RNF19A: variants seen among roughly 807,000 people sequenced by gnomAD.
The protein encoded by RNF19A is E3 ubiquitin-protein ligase RNF19A.
Under a neutral mutation model 75.7 loss-of-function variants are expected in RNF19A, and 32 were observed. The ratio of observed to expected loss-of-function variants is 0.42; its 90% CI spans 0.32 to 0.57. The LOEUF is 0.57. Ranked by LOEUF, RNF19A falls within the 20% of genes least tolerant of loss-of-function variation. RNF19A has a pLI of 0.10. For missense variants in RNF19A, 782 were observed against 1,036.3 expected (o/e 0.75, Z 3.37); for synonymous variants, 335 against 345.2 (o/e 0.97, Z 0.33).
intron 1 of RNF19A, among the ~76,000 whole-genome samples, chr8:100,290,306 T>C (rs1181623919): frequency 6.6e-6 from 1 of 152,184 alleles, no homozygotes; most frequent in Non-Finnish European, 1.5e-5. Context: ...TTCACCATGT[T>C]GGTCAGGCTG....
intron 3 of RNF19A, among the ~76,000 whole-genome samples, chr8:100,272,882 T>C (rs1198691605): frequency 2.0e-5 from 3 of 151,456 alleles, no homozygotes; most frequent in African/African-American, 7.3e-5. Flanking sequence ...CTCTTGTTTT[T>C]GGAAACAGGG....
At chr8:100,334,220 T>C (rs1049239406) in intron 1 of RNF19A, among the ~76,000 whole-genome samples, 2 of 152,252 alleles carry the variant, frequency 1.3e-5, no homozygotes, top group African/African-American at 2.4e-5. Flanking sequence ...CACAACATAA[T>C]GCTTCACGGT....
chr8:100,321,786 T>A (rs1008475680), intron 1 of RNF19A, among the ~76,000 whole-genome samples: 4 of 152,258 alleles, frequency 2.6e-5, no homozygotes, highest in Admixed American at 2.6e-4. Flanking sequence ...GAAAACAATA[T>A]TAATCTCCTT....
intron 1 of RNF19A, among the ~76,000 whole-genome samples, chr8:100,296,689 C>T (rs77189256): frequency 0.045 from 6,809 of 152,224 alleles, 457 homozygotes; most frequent in African/African-American, 0.14. Flanking sequence ...GCTGAGATGT[C>T]AGATTTAACT....
chr8:100,289,982 C>G (rs1188397982), intron 1 of RNF19A, among the ~76,000 whole-genome samples: 3 of 152,194 alleles, frequency 2.0e-5, no homozygotes, highest in African/African-American at 7.2e-5. Context: ...AATACTGCTA[C>G]ACACAAGACA....
chr8:100,261,482 C>T lies in RNF19A; in HGVS notation c.1682+60G>A, dbSNP rs1028186709. ...CATCATGCTTTATGTTCAAAATTCTCACCTAATTAATAATTTGTAGTTACC... is the reference window on the plus strand; with the variant it reads ...CATCATGCTTTATGTTCAAAATTCTTACCTAATTAATAATTTGTAGTTACC... On this transcript the variant is annotated intron_variant, in intron 8 of 9. Transcript: ENST00000341084. The surrounding 1 kb of genome is among the most constrained non-coding windows in gnomAD (Gnocchi z 4.4). 26 of 1,344,616 alleles carry T rather than the reference C, an allele frequency of 1.9e-5. No homozygotes were observed. Among genetic ancestry groups the T allele is most frequent in the Non-Finnish European group, 2.7e-5 (25 of 937,876 alleles). 83.3% of individuals were successfully genotyped at this position (1,344,616 alleles called of 1,614,324 possible).
chr8:100,326,184 T>C (rs1370384839), intron 1 of RNF19A, among the ~76,000 whole-genome samples: 1 of 152,140 alleles, frequency 6.6e-6, no homozygotes, highest in Non-Finnish European at 1.5e-5. Context: ...CTTACCCTGT[T>C]TCTATTCCAC....
intron 7 of RNF19A, among the ~76,000 whole-genome samples, chr8:100,262,303 G>A (rs1006731746): frequency 4.6e-5 from 7 of 152,128 alleles, no homozygotes; most frequent in African/African-American, 1.7e-4. Flanking sequence ...GGGGAGGAGA[G>A]TGATGAAAAG....
intron 1 of RNF19A, 196 bp downstream of exon 1, chr8:100,309,671 C>T: frequency 2.1e-6 from 2 of 933,964 alleles, no homozygotes; most frequent in Non-Finnish European, 2.6e-6. Flanking sequence ...GAGGCCTGAC[C>T]CCCTAAGCCG....
At chr8:100,286,332 T>C (rs548453926) in intron 2 of RNF19A, among the ~76,000 whole-genome samples, 1 of 152,228 alleles carries the variant, frequency 6.6e-6, no homozygotes, top group Admixed American at 6.5e-5. Flanking sequence ...TTTGTTGTTA[T>C]CTATATTATA....
At position 100,258,501 on chromosome 8, in the gene RNF19A, C is replaced by G. The variant is rs1819552786; in HGVS notation, c.*55G>C. ...GAAACTTAAGTAGTCACATGTAGTT[C>G]AACCAGCTCCAAACACGGTTGTACA... is the stretch of plus-strand genomic sequence containing the variant. On this transcript the variant is annotated 3_prime_UTR_variant, in exon 10 of 10. Transcript: ENST00000341084. This position sits in a 1 kb window ranked among gnomAD's most constrained non-coding sequence, Gnocchi z 4.3. The G allele has an allele frequency of 4.9e-6, 7 of 1,432,954 alleles. No homozygotes were observed. In the South Asian group the frequency reaches 9.4e-5, roughly 19 times the overall value. The allele number at this position is 1,432,954 out of a possible 1,614,324, so 88.8% of individuals were successfully genotyped here. A position where few individuals can be genotyped will look rare whatever the true frequency, so the allele number is the denominator to read the frequency against.
rs2130400475 is a variant in RNF19A, at chr8:100,329,761, T to G, written c.-243+6347A>C. 6.6e-6 allele frequency among the ~76,000 whole-genome samples: 1 copy of G among 152,328 alleles called. No individual in the cohort carries two copies. Among genetic ancestry groups the G allele is most frequent in the South Asian group, 2.1e-4 (1 of 4,826 alleles). On this transcript the variant is annotated intron_variant, in intron 1 of 3. Coordinates refer to the RNF19A transcript ENST00000519527. This position sits in a 1 kb window ranked among gnomAD's most constrained non-coding sequence, Gnocchi z 4.3. ...TTCCAACACTTAAAGGATCGTCTGA[T>G]GAAAGAAGAAGTAGCTTCATGGTTT...
chr8:100,285,358 A>G (rs750822636), intron 2 of RNF19A, among the ~76,000 whole-genome samples: 43 of 152,144 alleles, frequency 2.8e-4, no homozygotes, highest in Non-Finnish European at 4.9e-4. Flanking sequence ...TCGTAATTCT[A>G]TATGTTGAAT....
intron 2 of RNF19A, among the ~76,000 whole-genome samples, chr8:100,279,867 G>T (rs980251192): frequency 6.6e-6 from 1 of 152,000 alleles, no homozygotes; most frequent in African/African-American, 2.4e-5. Flanking sequence ...GTTTTGCCAT[G>T]TTAGTCAGGC....
Position 100,259,152 on chromosome 8 carries a change from C to A in RNF19A, c.1921G>T (p.Ala641Ser). 1 of 1,614,160 alleles carries A rather than the reference C, an allele frequency of 6.2e-7. No homozygotes were observed. Among genetic ancestry groups the A allele is most frequent in the Non-Finnish European group, 8.5e-7 (1 of 1,180,028 alleles). The change falls in exon 10 of 10, where the codon GCC (alanine) becomes TCC (serine). Residue 641 changes from alanine (A) to serine (S), a missense_variant. Physicochemically the swap from Ala to Ser is moderately conservative, Grantham distance 99 (BLOSUM62 1). Transcript: ENST00000341084. This position sits in a 1 kb window ranked among gnomAD's most constrained non-coding sequence, Gnocchi z 4.5. The part of the protein sequence containing the change: ...SGSSSVDDGS[A>S]TRSHAGGSSS... ...GAACCGCCAGCATGACTTCGGGTGG[C>A]ACTGCCATCATCCACACTACTGCTT...
At chr8:100,313,079 G>A (rs1285807324), upstream of RNF19A, among the ~76,000 whole-genome samples, 1 of 152,098 alleles carries the variant, frequency 6.6e-6, no homozygotes, top group African/African-American at 2.4e-5. Context: ...TTAATTTTTG[G>A]CAGTATTCTC....
intron 3 of RNF19A, among the ~76,000 whole-genome samples, chr8:100,271,542 T>G (rs1344176561): frequency 6.6e-6 from 1 of 152,222 alleles, no homozygotes; most frequent in East Asian, 1.9e-4. Context: ...CAAGCTTTGG[T>G]AATGATGCAT....
chr8:100,270,627 A>T (rs1364323634), intron 3 of RNF19A, among the ~76,000 whole-genome samples: 1 of 152,160 alleles, frequency 6.6e-6, no homozygotes, highest in Non-Finnish European at 1.5e-5. Context: ...CCTTGCAAAG[A>T]ATCAGTACCC....
intron 3 of RNF19A, among the ~76,000 whole-genome samples, chr8:100,272,115 G>C (rs1586615066): frequency 6.6e-6 from 1 of 152,106 alleles, no homozygotes; most frequent in African/African-American, 2.4e-5. Context: ...CAGGAGTGGA[G>C]AGCCAATTAA....
Sources: allele counts gnomAD v4.1 joint callset (sites outside exome capture counted in the v4.1 genomes callset), GRCh38; gene constraint gnomAD v4.1.1; non-coding constraint Gnocchi (gnomAD v3.1); transcripts MANE v1.5; gene names NCBI Gene and HGNC (gene_info 2026-07-23, HGNC 2026-07-21).